Variants in CNTN4 observed in about 807,000 individuals in gnomAD.
CNTN4 encodes the protein contactin-4.
CNTN4 carries 77 observed loss-of-function variants against 122.5 expected under a neutral mutation model. That is an observed-to-expected ratio of 0.63 (90% confidence interval 0.52 to 0.76). CNTN4 has a LOEUF of 0.76. Ranked by LOEUF, CNTN4 falls within the 30% of genes least tolerant of loss-of-function variation. CNTN4 has a pLI of 0.00. For missense variants in CNTN4, 1,256 were observed against 1,259.1 expected (o/e 1.00, Z 0.04); for synonymous variants, 512 against 447.0 (o/e 1.15, Z -1.83).
chr3:2,814,138 A>T (rs1002486896), intron 6 of CNTN4, among the ~76,000 whole-genome samples: 3 of 152,234 alleles, frequency 2.0e-5, no homozygotes, highest in Admixed American at 6.5e-5. Context: ...TCCTTAGCAC[A>T]TGGCTGTTGG....
At chr3:2,714,572 C>T (rs533406746) in intron 4 of CNTN4, among the ~76,000 whole-genome samples, 1 of 152,034 alleles carries the variant, frequency 6.6e-6, no homozygotes, top group Non-Finnish European at 1.5e-5. Flanking sequence ...AAAGACCAAA[C>T]CAAACAAGTA....
chr3:2,936,054 G>A (rs1288711037), intron 13 of CNTN4, among the ~76,000 whole-genome samples: 2 of 152,202 alleles, frequency 1.3e-5, no homozygotes, highest in African/African-American at 2.4e-5. Context: ...AGCATTCCAT[G>A]GCAAGCTAAG....
chr3:2,429,281 TGTTA>T (rs2047966421), intron 3 of CNTN4, among the ~76,000 whole-genome samples: 4 of 152,314 alleles, frequency 2.6e-5, no homozygotes, highest in Admixed American at 2.6e-4. Flanking sequence ...CCTTTCTGTT[TGTTA>T]GTTTTCCTTC....
At chr3:2,658,876 T>C (rs532536772) in intron 4 of CNTN4, among the ~76,000 whole-genome samples, 1 of 151,900 alleles carries the variant, frequency 6.6e-6, no homozygotes, top group South Asian at 2.1e-4. Flanking sequence ...CAGAAAGGGA[T>C]AAGCTGCAAA....
At chr3:2,665,773 T>A (rs2084124196) in intron 4 of CNTN4, among the ~76,000 whole-genome samples, 1 of 152,204 alleles carries the variant, frequency 6.6e-6, no homozygotes, top group African/African-American at 2.4e-5. Flanking sequence ...TTCACACATT[T>A]TCCTTTAGCT....
intron 13 of CNTN4, among the ~76,000 whole-genome samples, chr3:2,969,778 C>T (rs1198459919): frequency 2.0e-5 from 3 of 152,030 alleles, no homozygotes; most frequent in African/African-American, 7.2e-5. Context: ...TTGGGGAAGG[C>T]TAAAAAATTA....
At chr3:2,877,406 A>C (rs898876541) in intron 8 of CNTN4, among the ~76,000 whole-genome samples, 1 of 152,264 alleles carries the variant, frequency 6.6e-6, no homozygotes, top group Non-Finnish European at 1.5e-5. Flanking sequence ...CTTACTCCAA[A>C]GAATATAAAA....
intron 3 of CNTN4, among the ~76,000 whole-genome samples, chr3:2,467,586 T>C (rs1029251585): frequency 2.0e-5 from 3 of 152,204 alleles, no homozygotes; most frequent in African/African-American, 7.2e-5. Context: ...ATGCGAATAG[T>C]AATATCTGCC....
intron 3 of CNTN4, among the ~76,000 whole-genome samples, chr3:2,444,462 A>G (rs2048548700): frequency 6.6e-6 from 1 of 152,102 alleles, no homozygotes; most frequent in African/African-American, 2.4e-5. Context: ...GCCTTCTTGG[A>G]AGCTCATTTA....
At chr3:2,983,410 C>A (rs1215645413) in intron 13 of CNTN4, among the ~76,000 whole-genome samples, 1 of 151,948 alleles carries the variant, frequency 6.6e-6, no homozygotes, top group Admixed American at 6.6e-5. Context: ...AACTACTCAG[C>A]AGTTGTCTTA....
rs2046358589 is a variant in CNTN4 at position 2,389,253 on chromosome 3, T to A, written c.-89+50020T>A. 2.6e-5 allele frequency among the ~76,000 whole-genome samples: 3 copies of A among 116,330 alleles called. No individual in the cohort carries two copies. The South Asian group carries it at 7.7e-4, about 30-fold the overall frequency. The allele number at this position is 116,330 out of a possible 152,430, so 76.3% of individuals were successfully genotyped here. ...AAAGAATACCCTTTTCACCGTGATC[T>A]ATCTTCACGTGGCTGCAGCCTTCTC... On this transcript the variant is annotated intron_variant, in intron 3 of 24. Transcript: ENST00000418658.
intron 2 of CNTN4, among the ~76,000 whole-genome samples, chr3:2,305,677 C>G (rs11915869): frequency 6.6e-6 from 1 of 151,946 alleles, no homozygotes; most frequent in Non-Finnish European, 1.5e-5. Context: ...TTTTAAAGTA[C>G]GCAAGTCAGT....
chr3:2,154,415 T>A (rs2035629915), intron 2 of CNTN4, among the ~76,000 whole-genome samples: 1 of 152,162 alleles, frequency 6.6e-6, no homozygotes, highest in Non-Finnish European at 1.5e-5. Context: ...ATGGTAATTT[T>A]TCTCCTTTCC....
intron 8 of CNTN4, among the ~76,000 whole-genome samples, chr3:2,879,188 G>A (rs2093879347): frequency 6.6e-6 from 1 of 152,138 alleles, no homozygotes; most frequent in Non-Finnish European, 1.5e-5. Context: ...AACACAATGG[G>A]AAGACACACA....
chr3:2,604,757 C>T (rs965331739), intron 4 of CNTN4, among the ~76,000 whole-genome samples: 2 of 152,106 alleles, frequency 1.3e-5, no homozygotes, highest in Non-Finnish European at 2.9e-5. Flanking sequence ...TAAGAATACA[C>T]CCATGAAACC....
intron 3 of CNTN4, among the ~76,000 whole-genome samples, chr3:2,397,961 A>T (rs2046701557): frequency 6.6e-6 from 1 of 152,158 alleles, no homozygotes; most frequent in African/African-American, 2.4e-5. Context: ...TATTCATTCT[A>T]TTAAAAAATG....
chr3:2,769,234 C>T (rs775174952), intron 6 of CNTN4, among the ~76,000 whole-genome samples: 5 of 151,942 alleles, frequency 3.3e-5, no homozygotes, highest in African/African-American at 7.3e-5. Context: ...GAGGCCGAGG[C>T]GGGCAGATCA....
chr3:2,690,366 G>C (rs1388768194), intron 4 of CNTN4, among the ~76,000 whole-genome samples: 1 of 152,124 alleles, frequency 6.6e-6, no homozygotes, highest in Non-Finnish European at 1.5e-5. Context: ...AAGCCGTTTA[G>C]CATATCAGAA....
chr3:2,925,424 G>A (rs191645845), intron 12 of CNTN4, among the ~76,000 whole-genome samples: 153 of 152,114 alleles, frequency 1.0e-3, no homozygotes, highest in Non-Finnish European at 1.3e-3. Flanking sequence ...GTGGTCATGC[G>A]TGCCTGTAGT....
Sources: gnomAD v4.1 joint callset for allele counts (sites outside exome capture counted in the v4.1 genomes callset) on GRCh38, gnomAD v4.1.1 for gene constraint, MANE v1.5 for transcripts, NCBI Gene and HGNC (gene_info 2026-07-23, HGNC 2026-07-21) for gene names.